The following PLEKHH2 variants were observed in gnomAD, a reference collection of about 807,000 sequenced individuals.
The protein encoded by PLEKHH2 is pleckstrin homology, MyTH4 and FERM domain containing H2.
In PLEKHH2, 129 loss-of-function variants were observed where a neutral mutation model predicts 187.9. The observed-to-expected ratio is 0.69, with a 90% CI of 0.59 to 0.79. The LOEUF is 0.79. Ranked by LOEUF, PLEKHH2 falls within the 30% of genes least tolerant of loss-of-function variation. The pLI is 0.00. For synonymous variants in PLEKHH2, 686 were observed against 605.6 expected (o/e 1.13, Z -1.95); for missense variants, 2,076 against 1,751.2 (o/e 1.19, Z -3.31).
chr2:43,745,776 A>G, intron 23 of PLEKHH2, 90 bp from the exon 24 acceptor site: 2 of 887,792 alleles, frequency 2.3e-6, no homozygotes, highest in Non-Finnish European at 1.7e-6. Flanking sequence ...GATCATATTA[A>G]TTGAAAAATT....
At chr2:43,728,836 A>G (rs989671987) in intron 17 of PLEKHH2, among the ~76,000 whole-genome samples, 1 of 152,156 alleles carries the variant, frequency 6.6e-6, no homozygotes, top group Non-Finnish European at 1.5e-5. Context: ...TGCTGGGATT[A>G]CAGGCATGAG....
At chr2:43,717,292 C>T (rs763206442) in intron 15 of PLEKHH2, among the ~76,000 whole-genome samples, 1 of 152,132 alleles carries the variant, frequency 6.6e-6, no homozygotes, top group Non-Finnish European at 1.5e-5. Flanking sequence ...GCAGCACATG[C>T]CTGTAATCCC....
chr2:43,705,216 C>T (rs1042940935), intron 9 of PLEKHH2, among the ~76,000 whole-genome samples: 28 of 147,406 alleles, frequency 1.9e-4, no homozygotes, highest in Admixed American at 5.4e-4. Context: ...TCCTGTTCAG[C>T]TATCTGCAGT....
intron 20 of PLEKHH2, among the ~76,000 whole-genome samples, chr2:43,740,636 G>A (rs1044269992): frequency 1.4e-4 from 22 of 152,026 alleles, no homozygotes; most frequent in Non-Finnish European, 3.1e-4. Context: ...GAGTAAATAC[G>A]TAAGTGAAAA....
rs112196891 is a variant in PLEKHH2, at chr2:43,667,856, A to C, written c.124-11007A>C. On this transcript the variant is annotated intron_variant, in intron 2 of 29. Coordinates refer to ENST00000282406, the MANE Select transcript of PLEKHH2 (RefSeq NM_172069.4). ...GAGGTGATGAAACTGTTCTGGAATT[A>C]AATGGTGCTAATAGTTCCACAACTC... 1.4e-3 allele frequency among the ~76,000 whole-genome samples: 209 copies of C among 152,330 alleles called. 2 individuals are homozygous for C. Among genetic ancestry groups the C allele is most frequent in the African/African-American group, 4.9e-3 (202 of 41,580 alleles).
chr2:43,673,459 A>G lies in PLEKHH2; in HGVS notation c.124-5404A>G, dbSNP rs564287334. Among the ~76,000 whole-genome samples, 10 of 152,296 alleles carry G rather than the reference A, an allele frequency of 6.6e-5. No homozygotes were observed. The South Asian group carries it at 1.9e-3, about 28-fold the overall frequency. On this transcript the variant is annotated intron_variant, in intron 2 of 29. Transcript: ENST00000282406. ...TGCTTGAATATATTTTCTTATTTTT[A>G]GCCCTACAACATCCTGTAAAGTAGT...
intron 25 of PLEKHH2, among the ~76,000 whole-genome samples, chr2:43,754,205 C>CACACAAAA (rs1553353833): frequency 4.9e-5 from 7 of 143,078 alleles, no homozygotes; most frequent in African/African-American, 1.9e-4. Flanking sequence ...CACACACACA[C>CACACAAAA]AAAATTAATA....
intron 24 of PLEKHH2, among the ~76,000 whole-genome samples, chr2:43,751,118 G>T (rs1486883185): frequency 6.6e-6 from 1 of 152,204 alleles, no homozygotes; most frequent in South Asian, 2.1e-4. Context: ...TTGTCTGAAG[G>T]ATTAAATGTT....
At chr2:43,645,176 G>A (rs538628834) in intron 2 of PLEKHH2, among the ~76,000 whole-genome samples, 5 of 152,142 alleles carry the variant, frequency 3.3e-5, no homozygotes, top group African/African-American at 7.2e-5. Context: ...TGTTTATACC[G>A]TATTTGAAAG....
At chr2:43,764,105 A>G (rs1350288569) in intron 28 of PLEKHH2, 123 bp from the exon 29 acceptor site, 6 of 551,790 alleles carry the variant, frequency 1.1e-5, no homozygotes, top group East Asian at 7.1e-5. Context: ...TTTAGAAAAT[A>G]ATTTTGTATT....
rs1234108724 is a variant in PLEKHH2 at position 43,731,357 on chromosome 2, GT to G, written c.2831-126del. 3.8e-5 allele frequency: 23 copies of G among 609,698 alleles called. 1 individual carries two copies. The East Asian group carries it at 6.3e-4, about 17-fold the overall frequency. The allele number at this position is 609,698 out of a possible 1,614,324, so 37.8% of individuals were successfully genotyped here. A position where few individuals can be genotyped will look rare whatever the true frequency, so the allele number is the denominator to read the frequency against. On this transcript the variant is annotated intron_variant, in intron 18 of 29. Transcript: ENST00000282406. ...CAAAATAAAATAATGTTGCCAAAGAGTTTTTTTCTGACCTTTGTGACTTAAA... is the reference window on the plus strand; with the variant it reads ...CAAAATAAAATAATGTTGCCAAAGAGTTTTTTCTGACCTTTGTGACTTAAA...
intron 2 of PLEKHH2, among the ~76,000 whole-genome samples, chr2:43,669,010 G>C (rs116460796): frequency 0.012 from 1,892 of 152,250 alleles, 45 homozygotes; most frequent in African/African-American, 0.044. Context: ...TGGTCAGCTG[G>C]TTGAGCTAAG....
chr2:43,660,584 G>C (rs1667021238), intron 2 of PLEKHH2, among the ~76,000 whole-genome samples: 1 of 145,594 alleles, frequency 6.9e-6, no homozygotes, highest in East Asian at 2.0e-4. Context: ...TCGTCATCTA[G>C]CATTAGGTAT....
At chr2:43,679,646 C>T (rs1387956928) in intron 3 of PLEKHH2, 1 of 247,622 alleles carries the variant, frequency 4.0e-6, no homozygotes, top group East Asian at 1.5e-4. Context: ...CAGGTGCGCA[C>T]CACCATACCC....
intron 19 of PLEKHH2, among the ~76,000 whole-genome samples, chr2:43,732,180 A>G (rs753112701): frequency 3.2e-4 from 48 of 152,114 alleles, no homozygotes; most frequent in Non-Finnish European, 5.3e-4. Flanking sequence ...CCTGGCCAAC[A>G]TGGTGAAACC....
intron 28 of PLEKHH2, among the ~76,000 whole-genome samples, chr2:43,763,342 C>T (rs1297601059): frequency 2.0e-5 from 3 of 152,152 alleles, no homozygotes; most frequent in Admixed American, 2.0e-4. Flanking sequence ...TCTGCTCAGT[C>T]TTGCAAGGTA....
Position 43,694,436 on chromosome 2 carries a change from A to G in PLEKHH2, c.342A>G (p.Gln114=), listed in dbSNP as rs1471591342. The G allele has an allele frequency of 2.6e-6, 4 of 1,554,912 alleles. No homozygotes were observed. In the African/African-American group the frequency reaches 5.5e-5, roughly 21 times the overall value. The change falls in exon 5 of 30, where the codon CAA becomes CAG. Residue 114 remains glutamine, a synonymous_variant. Coordinates refer to ENST00000282406, the MANE Select transcript of PLEKHH2 (RefSeq NM_172069.4). ...AATTGCTATTGTTATTTCAGAAACA[A>G]ATAAGAATACAAGAAGCTAAAATAA... ...NLELQLEEQK[Q]IRIQEAKIIE...
chr2:43,683,142 CTTTTTTTT>C (rs34805310), intron 3 of PLEKHH2, among the ~76,000 whole-genome samples: 4 of 94,574 alleles, frequency 4.2e-5, no homozygotes, highest in African/African-American at 1.7e-4. Context: ...TTTATATACC[CTTTTTTTT>C]TTTTTTTTTT....
At chr2:43,724,014 T>C (rs538117192) in intron 16 of PLEKHH2, among the ~76,000 whole-genome samples, 1 of 152,290 alleles carries the variant, frequency 6.6e-6, no homozygotes, top group African/African-American at 2.4e-5. Flanking sequence ...GACTGAAAAG[T>C]CAGTATGAGA....
Sources: gnomAD v4.1 joint callset for allele counts (sites outside exome capture counted in the v4.1 genomes callset) on GRCh38, gnomAD v4.1.1 for gene constraint, MANE v1.5 for transcripts, NCBI Gene and HGNC (gene_info 2026-07-23, HGNC 2026-07-21) for gene names.